Variants in SPOCK3 observed in about 807,000 individuals in gnomAD.
SPOCK3 encodes the protein SPARC (osteonectin), cwcv and kazal like domains proteoglycan 3, also known as testican-3.
SPOCK3 carries 30 observed loss-of-function variants against 56.6 expected under a neutral mutation model. That is an observed-to-expected ratio of 0.53 (90% CI 0.40 to 0.72). The LOEUF is 0.72. Ranked by LOEUF, SPOCK3 falls within the 30% of genes least tolerant of loss-of-function variation. SPOCK3 has a pLI of 0.00. For synonymous variants in SPOCK3, 196 were observed against 183.3 expected (o/e 1.07, Z -0.56); for missense variants, 527 against 530.0 (o/e 0.99, Z 0.06).
At chr4:166,842,211 C>T (rs1157358436) in intron 6 of SPOCK3, among the ~76,000 whole-genome samples, 1 of 152,182 alleles carries the variant, frequency 6.6e-6, no homozygotes. Context: ...AAGAACAAAG[C>T]TTCCACGGTG....
At chr4:167,045,255 C>T (rs1219007658) in intron 3 of SPOCK3, among the ~76,000 whole-genome samples, 2 of 152,000 alleles carry the variant, frequency 1.3e-5, no homozygotes, top group African/African-American at 2.4e-5. Flanking sequence ...CTTTCTCTAT[C>T]CATTCACTTT....
intron 5 of SPOCK3, among the ~76,000 whole-genome samples, chr4:166,912,113 A>G (rs989960313): frequency 2.0e-4 from 30 of 152,144 alleles, no homozygotes; most frequent in Admixed American, 1.8e-3. Context: ...GAGAGAGCAA[A>G]GGCATTGAAT....
chr4:167,204,277 G>C (rs1580609923), intron 2 of SPOCK3, among the ~76,000 whole-genome samples: 1 of 151,950 alleles, frequency 6.6e-6, no homozygotes, highest in African/African-American at 2.4e-5. Context: ...AAACAACAAA[G>C]AAAAAACTTG....
At chr4:166,770,792 A>G (rs746341422) in intron 7 of SPOCK3, among the ~76,000 whole-genome samples, 4 of 152,094 alleles carry the variant, frequency 2.6e-5, no homozygotes, top group Non-Finnish European at 5.9e-5. Flanking sequence ...TTTTAGATAT[A>G]AAGATACAGA....
chr4:167,108,518 C>A (rs1057415341), intron 2 of SPOCK3, among the ~76,000 whole-genome samples: 4 of 151,762 alleles, frequency 2.6e-5, no homozygotes, highest in African/African-American at 7.3e-5. Context: ...ATGGATGGAA[C>A]TAGAGGTCAT....
chr4:167,053,241 C>T (rs773266443), intron 3 of SPOCK3, among the ~76,000 whole-genome samples: 24 of 151,980 alleles, frequency 1.6e-4, no homozygotes, highest in Non-Finnish European at 3.4e-4. Context: ...CAAAACTGCC[C>T]CTCCCCAGAC....
At chr4:167,121,248 G>A (rs912423129) in intron 2 of SPOCK3, among the ~76,000 whole-genome samples, 1 of 151,810 alleles carries the variant, frequency 6.6e-6, no homozygotes, top group Non-Finnish European at 1.5e-5. Flanking sequence ...GACTTCTCCA[G>A]GTTAAAGAAG....
intron 2 of SPOCK3, among the ~76,000 whole-genome samples, chr4:167,216,444 G>A (rs1364236394): frequency 2.6e-5 from 4 of 152,084 alleles, no homozygotes; most frequent in Admixed American, 6.6e-5. Context: ...AAAACATGAA[G>A]GTTATCTACA....
At chr4:166,946,139 T>G (rs1480429136) in intron 4 of SPOCK3, among the ~76,000 whole-genome samples, 2 of 152,176 alleles carry the variant, frequency 1.3e-5, no homozygotes, top group African/African-American at 2.4e-5. Flanking sequence ...ATCTCTGTTT[T>G]GCTCATAAAA....
At chr4:166,788,064 C>A (rs2126640761) in intron 7 of SPOCK3, among the ~76,000 whole-genome samples, 1 of 152,148 alleles carries the variant, frequency 6.6e-6, no homozygotes, top group Non-Finnish European at 1.5e-5. Context: ...CACCAGTAAT[C>A]CCAGCTATTT....
intron 4 of SPOCK3, among the ~76,000 whole-genome samples, chr4:166,965,384 CTAT>C (rs781563825): frequency 8.2e-5 from 12 of 146,076 alleles, no homozygotes; most frequent in Admixed American, 2.7e-4. Flanking sequence ...AAAGAATTTT[CTAT>C]TATTGTTTTT....
intron 3 of SPOCK3, among the ~76,000 whole-genome samples, chr4:167,009,016 TA>T (rs1017566364): frequency 6.6e-6 from 1 of 152,038 alleles, no homozygotes; most frequent in Non-Finnish European, 1.5e-5. Context: ...AATACACCCC[TA>T]AAAAATTTTA....
At chr4:167,192,710 T>A (rs902398338) in intron 2 of SPOCK3, among the ~76,000 whole-genome samples, 3 of 145,758 alleles carry the variant, frequency 2.1e-5, no homozygotes, top group Non-Finnish European at 4.5e-5. Flanking sequence ...TGTTTGAAAT[T>A]ATTTTTTTTC....
intron 2 of SPOCK3, among the ~76,000 whole-genome samples, chr4:167,161,439 G>A (rs867043057): frequency 6.6e-6 from 1 of 152,214 alleles, no homozygotes; most frequent in Non-Finnish European, 1.5e-5. Flanking sequence ...GACACTGTTG[G>A]TGGGACTGTA....
At chr4:166,965,541 C>G (rs1402965321) in intron 4 of SPOCK3, among the ~76,000 whole-genome samples, 1 of 151,862 alleles carries the variant, frequency 6.6e-6, no homozygotes, top group Non-Finnish European at 1.5e-5. Flanking sequence ...CTGATGACCA[C>G]TTAGTCATTA....
intron 2 of SPOCK3, among the ~76,000 whole-genome samples, chr4:167,078,161 C>T (rs1231435749): frequency 1.3e-5 from 2 of 151,752 alleles, no homozygotes; most frequent in African/African-American, 4.8e-5. Flanking sequence ...TGCAGAAGTA[C>T]TAACAAAAAG....
chr4:166,990,829 T>C (rs1747706641), intron 4 of SPOCK3, among the ~76,000 whole-genome samples: 1 of 152,032 alleles, frequency 6.6e-6, no homozygotes, highest in Non-Finnish European at 1.5e-5. Context: ...AATGATAATA[T>C]TAAATACTCT....
chr4:167,047,130 T>C (rs928759135), intron 3 of SPOCK3, among the ~76,000 whole-genome samples: 7 of 152,170 alleles, frequency 4.6e-5, no homozygotes, highest in Admixed American at 3.9e-4. Flanking sequence ...TGAAGATAAG[T>C]ATAGTGAATT....
At chr4:166,887,040 T>C (rs1020495662) in intron 6 of SPOCK3, among the ~76,000 whole-genome samples, 3 of 152,178 alleles carry the variant, frequency 2.0e-5, no homozygotes, top group Non-Finnish European at 2.9e-5. Flanking sequence ...ATGATCTTTA[T>C]CCCTTGATGA....
Sources: allele counts gnomAD v4.1 joint callset (sites outside exome capture counted in the v4.1 genomes callset), GRCh38; gene constraint gnomAD v4.1.1; transcripts MANE v1.5; gene names NCBI Gene and HGNC (gene_info 2026-07-23, HGNC 2026-07-21).